Variants in LRBA observed in about 807,000 individuals in gnomAD.
LRBA encodes the protein LPS responsive beige-like anchor protein, also known as lipopolysaccharide-responsive and beige-like anchor protein.
A neutral mutation model predicts 330.0 loss-of-function variants in LRBA; 176 were observed. The ratio of observed to expected loss-of-function variants is 0.53; its 90% CI spans 0.47 to 0.60. The LOEUF (loss-of-function observed/expected upper bound fraction) is 0.60. Among genes scored for constraint, LRBA ranks in the 20% least tolerant of loss-of-function variants. The pLI, the probability that LRBA is intolerant of heterozygous loss-of-function variation, is 0.00. For synonymous variants in LRBA, 1,230 were observed against 1,193.0 expected (o/e 1.03, Z -0.64); for missense variants, 3,259 against 3,444.8 (o/e 0.95, Z 1.35).
In LRBA at chr4:150,868,263, T is replaced by C. The variant is rs745759999; in HGVS notation, c.2492A>G (p.Gln831Arg). 19 of 1,612,476 alleles carry C rather than the reference T, an allele frequency of 1.2e-5. No individual in the cohort carries two copies. Among genetic ancestry groups the C allele is most frequent in the Middle Eastern group, 3.3e-4 (2 of 6,054 alleles). ...GCGAACCTCCATGCTCTCTGGGCAC[T>C]GGGGAGAATTTCGAAGTAGGGTCGC... The part of the protein sequence containing the change: ...VIATLLRNSP[Q>R]CPESMEVRRA... The change falls in exon 21 of 57, where the codon CAG (glutamine) becomes CGG (arginine). Residue 831 changes from glutamine (Q) to arginine (R), a missense_variant. By Grantham distance (43) the Gln-to-Arg change is conservative. Coordinates refer to ENST00000651943, the MANE Select transcript of LRBA (RefSeq NM_001364905.1).
intron 37 of LRBA, among the ~76,000 whole-genome samples, chr4:150,671,214 T>A (rs1483006763): frequency 6.6e-6 from 1 of 152,154 alleles, no homozygotes; most frequent in African/African-American, 2.4e-5. Flanking sequence ...TCAATATTAT[T>A]AGTCTATGAT....
At chr4:150,491,636 A>C (rs1388830093) in intron 40 of LRBA, among the ~76,000 whole-genome samples, 1 of 152,118 alleles carries the variant, frequency 6.6e-6, no homozygotes, top group Admixed American at 6.6e-5. Context: ...CTGCAAATGA[A>C]CTTAGCATAA....
intron 44 of LRBA, among the ~76,000 whole-genome samples, chr4:150,445,247 T>C (rs985744905): frequency 2.0e-5 from 3 of 151,488 alleles, no homozygotes; most frequent in Non-Finnish European, 4.4e-5. Flanking sequence ...AAAACAAAAT[T>C]GGGAACTACT....
At chr4:150,830,125 G>C (rs1746946359) in intron 29 of LRBA, among the ~76,000 whole-genome samples, 1 of 152,146 alleles carries the variant, frequency 6.6e-6, no homozygotes, top group Non-Finnish European at 1.5e-5. Flanking sequence ...TTGTGGAAGA[G>C]GGTTGTTTTA....
intron 40 of LRBA, among the ~76,000 whole-genome samples, chr4:150,525,417 A>C (rs1763358029): frequency 6.6e-6 from 1 of 152,132 alleles, no homozygotes; most frequent in Admixed American, 6.5e-5. Context: ...CTATTGAAAT[A>C]GCAAATAATT....
intron 31 of LRBA, among the ~76,000 whole-genome samples, chr4:150,811,972 T>C (rs949576718): frequency 6.6e-6 from 1 of 152,104 alleles, no homozygotes; most frequent in African/African-American, 2.4e-5. Flanking sequence ...CAGAAAGAGA[T>C]TTTTTACAGT....
chr4:150,500,120 A>G (rs1370564054), intron 40 of LRBA, among the ~76,000 whole-genome samples: 1 of 152,234 alleles, frequency 6.6e-6, no homozygotes, highest in African/African-American at 2.4e-5. Flanking sequence ...TGTTCCCAAC[A>G]TGAAGAAAGG....
chr4:150,536,006 C>T (rs932253323), intron 40 of LRBA, among the ~76,000 whole-genome samples: 1 of 152,250 alleles, frequency 6.6e-6, no homozygotes, highest in African/African-American at 2.4e-5. Context: ...TTACATTTAA[C>T]TTCCAGCTTA....
intron 40 of LRBA, among the ~76,000 whole-genome samples, chr4:150,557,850 G>A (rs1767531083): frequency 2.6e-5 from 4 of 152,104 alleles, no homozygotes; most frequent in Admixed American, 1.3e-4. Flanking sequence ...GGTTTCCACT[G>A]TATAGTTATT....
chr4:150,563,847 AAGG>A (rs1304180283), intron 40 of LRBA, among the ~76,000 whole-genome samples: 2 of 152,202 alleles, frequency 1.3e-5, no homozygotes, highest in Non-Finnish European at 2.9e-5. Flanking sequence ...GAACCTCCTC[AAGG>A]AGAAGTACAA....
chr4:150,400,734 T>A (rs1489307706), intron 47 of LRBA, among the ~76,000 whole-genome samples: 1 of 152,088 alleles, frequency 6.6e-6, no homozygotes, highest in Non-Finnish European at 1.5e-5. Flanking sequence ...GTGCCTATAG[T>A]TCTAGCTACT....
At chr4:150,987,031 T>G (rs1483845130) in intron 2 of LRBA, among the ~76,000 whole-genome samples, 1 of 152,220 alleles carries the variant, frequency 6.6e-6, no homozygotes, top group Admixed American at 6.5e-5. Flanking sequence ...AGTCAAAATT[T>G]GACATGTCTC....
At chr4:150,887,207 C>G (rs537078511) in intron 17 of LRBA, among the ~76,000 whole-genome samples, 1 of 152,078 alleles carries the variant, frequency 6.6e-6, no homozygotes, top group South Asian at 2.1e-4. Context: ...TGCATACTAT[C>G]TGAAACAAAA....
At chr4:150,717,686 A>AATAATAATAATAATAATG (rs1728413049) in intron 36 of LRBA, among the ~76,000 whole-genome samples, 1 of 147,378 alleles carries the variant, frequency 6.8e-6, no homozygotes, top group Non-Finnish European at 1.5e-5. Context: ...TAATAATAAT[A>AATAATAATAATAATAATG]ATAATAATAA....
rs550739702 is a variant in LRBA at position 150,792,154 on chromosome 4, C to A, written c.5580+5927G>T. ...CTTTATTTCATTACCTCAATTATTTCTTTGAAATAAATACATAATTTTCCT... is the reference window on the plus strand; with the variant it reads ...CTTTATTTCATTACCTCAATTATTTATTTGAAATAAATACATAATTTTCCT... On this transcript the variant is annotated intron_variant, in intron 34 of 56. Transcript: ENST00000651943. 1.3e-4 allele frequency among the ~76,000 whole-genome samples: 19 copies of A among 144,408 alleles called. No homozygotes were observed. The East Asian group carries it at 3.9e-3, about 30-fold the overall frequency. The allele number at this position is 144,408 out of a possible 152,430, so 94.7% of individuals were successfully genotyped here.
chr4:150,854,904 T>C (rs1356908984), intron 22 of LRBA, among the ~76,000 whole-genome samples: 2 of 152,212 alleles, frequency 1.3e-5, no homozygotes, highest in African/African-American at 4.8e-5. Flanking sequence ...GACTGTATTT[T>C]ATTCTGAGAG....
intron 2 of LRBA, among the ~76,000 whole-genome samples, chr4:150,956,652 A>C (rs190078314): frequency 2.0e-5 from 3 of 149,308 alleles, no homozygotes; most frequent in Admixed American, 6.6e-5. Context: ...AACCAAATCC[A>C]GGAACATATA....
chr4:150,795,548 CAT>C (rs1335763933), intron 34 of LRBA, among the ~76,000 whole-genome samples: 1 of 151,944 alleles, frequency 6.6e-6, no homozygotes, highest in African/African-American at 2.4e-5. Context: ...TTACAAACCT[CAT>C]ATTTTAATTA....
chr4:150,798,118 C>A lies in LRBA; in HGVS notation c.5543G>T (p.Ser1848Ile), dbSNP rs1267719806. The A allele has an allele frequency of 1.2e-6, 2 of 1,609,018 alleles. No homozygotes were observed. Among genetic ancestry groups the A allele is most frequent in the Non-Finnish European group, 1.7e-6 (2 of 1,175,588 alleles). Residue 1848 changes from serine to isoleucine, a missense_variant, in exon 34 of 57, where the codon AGT becomes ATT. Coordinates refer to ENST00000651943, the MANE Select transcript of LRBA (RefSeq NM_001364905.1). Reference sequence around the variant, plus strand: ...TAGCATAACCAATTCCACAACTGAACTACTCGACTTCATGCAAACCAGACC... The same window carrying A: ...TAGCATAACCAATTCCACAACTGAAATACTCGACTTCATGCAAACCAGACC... Reference protein sequence around the residue: ...GTSLVCMKSSSSVVELVMLLC... With the variant: ...GTSLVCMKSSISVVELVMLLC...
Sources: allele counts gnomAD v4.1 joint callset (sites outside exome capture counted in the v4.1 genomes callset), GRCh38; gene constraint gnomAD v4.1.1; transcripts MANE v1.5; gene names NCBI Gene and HGNC (gene_info 2026-07-23, HGNC 2026-07-21).